The following MAP4 variants were observed in gnomAD, a reference collection of about 807,000 sequenced individuals.
The protein encoded by MAP4 is microtubule-associated protein 4.
In MAP4, 76 loss-of-function variants were observed where a neutral mutation model predicts 170.2. The observed-to-expected ratio is 0.45, with a 90% CI of 0.37 to 0.54. MAP4 has a LOEUF of 0.54. Among genes scored for constraint, MAP4 ranks in the 20% least tolerant of loss-of-function variants. MAP4 has a pLI of 0.00. For synonymous variants in MAP4, 909 were observed against 994.5 expected (o/e 0.91, Z 1.62); for missense variants, 2,506 against 2,748.0 (o/e 0.91, Z 1.97).
chr3:47,926,547 C>T (rs981800141), intron 4 of MAP4, among the ~76,000 whole-genome samples: 3 of 152,082 alleles, frequency 2.0e-5, no homozygotes, highest in Non-Finnish European at 4.4e-5. Context: ...GTCTACACAT[C>T]TATCAGGGAC....
chr3:47,952,026 C>T (rs527615026), intron 3 of MAP4, among the ~76,000 whole-genome samples: 2 of 150,138 alleles, frequency 1.3e-5, no homozygotes, highest in African/African-American at 4.9e-5. Context: ...GTGAGGAGCG[C>T]CTCTGCCCGG....
intron 1 of MAP4, among the ~76,000 whole-genome samples, chr3:48,064,834 G>C (rs1033897914): frequency 1.3e-5 from 2 of 152,094 alleles, no homozygotes; most frequent in South Asian, 4.1e-4. Flanking sequence ...GCAGGCAGTT[G>C]TAACACAATG....
At chr3:47,959,102 T>C (rs1313931454) in intron 3 of MAP4, among the ~76,000 whole-genome samples, 1 of 151,374 alleles carries the variant, frequency 6.6e-6, no homozygotes, top group African/African-American at 2.4e-5. Context: ...CATCAAAGTG[T>C]GCAGTAAAAA....
chr3:47,982,027 G>A (rs2100085691), intron 2 of MAP4, among the ~76,000 whole-genome samples: 1 of 151,962 alleles, frequency 6.6e-6, no homozygotes, highest in South Asian at 2.1e-4. Context: ...GCTCATGCCT[G>A]TAATCCCAGC....
At chr3:48,038,648 G>A (rs978755302) in intron 1 of MAP4, among the ~76,000 whole-genome samples, 14 of 152,060 alleles carry the variant, frequency 9.2e-5, no homozygotes, top group African/African-American at 3.4e-4. Flanking sequence ...TTTTAGCAGG[G>A]ACGGGGTTTC....
chr3:47,911,935 TC>T lies in MAP4; in HGVS notation c.2485del (p.Glu829LysfsTer3), dbSNP rs1243721115. 1.3e-6 allele frequency: 2 copies of T among 1,536,078 alleles called. No homozygotes were observed. Among genetic ancestry groups the T allele is most frequent in the Admixed American group, 3.9e-5 (2 of 50,990 alleles). On this transcript the variant is annotated frameshift_variant, in exon 9 of 21. Transcript: ENST00000683076. LOFTEE classifies it high-confidence loss of function. The surrounding 1 kb of genome is among the most constrained non-coding windows in gnomAD (Gnocchi z 4.0). Reference protein sequence around the residue: ...MGTEYGLVSGENLKRECLVNS... With the variant: ...MGTEYGLVSGXNLKRECLVNS... ...AACTAAACATTCCCTTTTCAAGTTT[TC>T]TCCAGATACAAGTCCATATTCTGTA... is the stretch of plus-strand genomic sequence containing the variant.
chr3:48,055,190 C>CCCCG (rs1180232188), intron 1 of MAP4, among the ~76,000 whole-genome samples: 6 of 106,560 alleles, frequency 5.6e-5, no homozygotes, highest in African/African-American at 2.2e-4. Context: ...CCCTCTCCCT[C>CCCCG]TCCCTCTCCG....
In MAP4 at chr3:47,939,709, GTT is replaced by G. The variant is rs10707025; in HGVS notation, c.293-11361_293-11360del. Reference sequence around the variant, plus strand: ...CATGGTAAGAAACTGTAAAGAAATAGTTTTTTTTTTTTTTTTAAACAACCACC... The same window carrying G: ...CATGGTAAGAAACTGTAAAGAAATAGTTTTTTTTTTTTTTAAACAACCACC... On this transcript the variant is annotated intron_variant, in intron 3 of 20. Coordinates refer to ENST00000683076, the MANE Select transcript of MAP4 (RefSeq NM_001385682.1). Among the ~76,000 whole-genome samples the G allele has an allele frequency of 9.2e-3, 1,313 of 142,834 alleles. 20 individuals carry two copies. The highest frequency in any genetic ancestry group is 0.03 in the African/African-American group (1,206 of 39,668). The allele number at this position is 142,834 out of a possible 152,430, so 93.7% of individuals were successfully genotyped here. A position where few individuals can be genotyped will look rare whatever the true frequency, so the allele number is the denominator to read the frequency against.
intron 2 of MAP4, among the ~76,000 whole-genome samples, chr3:47,993,989 G>A (rs2154354716): frequency 1.3e-5 from 2 of 152,252 alleles, no homozygotes; most frequent in Admixed American, 1.3e-4. Flanking sequence ...CAGTTTTGAT[G>A]AGAAATCATT....
intron 5 of MAP4, among the ~76,000 whole-genome samples, chr3:47,920,909 G>A (rs916040886): frequency 6.6e-6 from 1 of 152,194 alleles, no homozygotes; most frequent in African/African-American, 2.4e-5. Flanking sequence ...TGTAATCTCA[G>A]CACTTTGGGA....
At chr3:48,013,415 G>A (rs1343140222) in intron 1 of MAP4, 1 of 152,098 alleles carries the variant, frequency 6.6e-6, no homozygotes, top group East Asian at 1.9e-4. Context: ...AAGAGAATTT[G>A]AAAGCTGGGT....
intron 10 of MAP4, chr3:47,892,350 G>T: frequency 1.3e-6 from 2 of 1,536,210 alleles, no homozygotes; most frequent in Non-Finnish European, 1.7e-6. Flanking sequence ...ATTTCATTCA[G>T]TTTGCCCTCT....
chr3:47,922,121 T>TA (rs1184300912), intron 4 of MAP4, among the ~76,000 whole-genome samples: 3 of 152,068 alleles, frequency 2.0e-5, no homozygotes, highest in Non-Finnish European at 4.4e-5. Context: ...CTAATTTTTG[T>TA]ATTTTTTTGT....
Position 47,852,223 on chromosome 3 carries a change from A to G in MAP4, c.*711T>C, listed in dbSNP as rs2043685610. 6.5e-6 allele frequency: 1 copy of G among 153,502 alleles called. No homozygotes were observed. Among genetic ancestry groups the G allele is most frequent in the East Asian group, 1.9e-4 (1 of 5,206 alleles). The allele number at this position is 153,502 out of a possible 1,614,324, so 9.5% of individuals were successfully genotyped here. On this transcript the variant is annotated 3_prime_UTR_variant, in exon 21 of 21. Transcript: ENST00000683076. The stretch of plus-strand genomic sequence containing the variant: ...AGACATGGCTTCAACCTGCAGAACT[A>G]TTTTGCCAGTTTTTAGGTTATTAGA...
rs374208589 is a variant in MAP4 at position 47,863,937 on chromosome 3, T to TGTGTGTGTGGGG, written c.6501+3308_6501+3309insCCCCACACACAC. On this transcript the variant is annotated intron_variant, in intron 17 of 20. Transcript: ENST00000683076. ...GTGGGTGTGGGTGTGTGTGTGTGTG[T>TGTGTGTGTGGGG]GGGGAGTGGTGGGGGGTGTAATGCT... Among the ~76,000 whole-genome samples the TGTGTGTGTGGGG allele has an allele frequency of 4.1e-3, 567 of 138,460 alleles. 7 individuals carry two copies. The highest frequency in any genetic ancestry group is 9.1e-3 in the African/African-American group (335 of 36,670). The allele number at this position is 138,460 out of a possible 152,430, so 90.8% of individuals were successfully genotyped here.
At chr3:47,871,350 T>C in intron 13 of MAP4, 64 bp from the exon 14 acceptor site, 1 of 1,243,020 alleles carries the variant, frequency 8.0e-7, no homozygotes, top group South Asian at 1.2e-5. Flanking sequence ...GTTCATCCAA[T>C]AGTGAGATTC....
intron 10 of MAP4, among the ~76,000 whole-genome samples, chr3:47,900,438 T>C (rs1022229196): frequency 1.3e-5 from 2 of 152,162 alleles, no homozygotes; most frequent in African/African-American, 4.8e-5. Flanking sequence ...AAAATGCTTA[T>C]GGATAAGAAA....
At chr3:48,055,203 T>C (rs904235562) in intron 1 of MAP4, among the ~76,000 whole-genome samples, 6 of 111,410 alleles carry the variant, frequency 5.4e-5, no homozygotes, top group African/African-American at 4.1e-4. Flanking sequence ...CCTCTCCGTC[T>C]CCGTCTCCGT....
chr3:48,045,941 T>A (rs2100124325), intron 1 of MAP4, among the ~76,000 whole-genome samples: 1 of 152,040 alleles, frequency 6.6e-6, no homozygotes, highest in Admixed American at 6.6e-5. Context: ...TATCACAGAA[T>A]ACCTTCGAGA....
Sources: allele counts gnomAD v4.1 joint callset (sites outside exome capture counted in the v4.1 genomes callset), GRCh38; gene constraint gnomAD v4.1.1; non-coding constraint Gnocchi (gnomAD v3.1); transcripts MANE v1.5; gene names NCBI Gene and HGNC (gene_info 2026-07-23, HGNC 2026-07-21).